Variants in LHX9 observed in about 807,000 individuals in gnomAD.
The protein encoded by LHX9 is LIM homeobox 9, also known as LIM/homeobox protein Lhx9.
In LHX9, 9 loss-of-function variants were observed where a neutral mutation model predicts 36.5. The observed-to-expected ratio is 0.25, with a 90% CI of 0.15 to 0.43. The LOEUF (loss-of-function observed/expected upper bound fraction) is 0.43, where lower values mean the gene tolerates loss of function less well. LHX9 is among the 20% of genes least tolerant of loss of function. The pLI is 1.00. For synonymous variants in LHX9, 211 were observed against 212.1 expected, an observed-to-expected ratio of 0.99 and a Z score of 0.04; for missense variants, 464 against 526.4, an observed-to-expected ratio of 0.88 and a Z score of 1.16.
At chr1:197,926,283 G>A (rs1401765631) in intron 3 of LHX9, among the ~76,000 whole-genome samples, 1 of 152,026 alleles carries the variant, frequency 6.6e-6, no homozygotes, top group African/African-American at 2.4e-5. Flanking sequence ...CCTTTTTTAA[G>A]ATTCAGGTTT....
chr1:197,933,143 G>A lies in LHX9; in HGVS notation c.*3884G>A, dbSNP rs1184692823. 1.3e-5 allele frequency: 2 copies of A among 151,824 alleles called. No individual in the cohort carries two copies. The highest frequency in any genetic ancestry group is 2.9e-5 in the Non-Finnish European group (2 of 67,900). 9.4% of individuals were successfully genotyped at this position (151,824 alleles called of 1,614,324 possible). On this transcript the variant is annotated 3_prime_UTR_variant, in exon 5 of 5. Coordinates refer to ENST00000367387, the MANE Select transcript of LHX9 (RefSeq NM_020204.3). ...ATTCCTATTTAGCCGTATATCCAAA[G>A]CATATGTTAAACAAACTAACATATA...
In LHX9 at chr1:197,920,073, T is replaced by C. The variant is rs1171929029; in HGVS notation, c.276T>C (p.His92=). ...YYLLAVDKQW[H]LRCLKCCECK... ...TGCTGGCTGTGGACAAACAGTGGCA[T>C]CTGAGATGCCTGAAGTGCTGTGAAT... The change falls in exon 2 of 5, where the codon CAT becomes CAC. Residue 92 remains histidine, a synonymous_variant. Coordinates refer to ENST00000367387, the MANE Select transcript of LHX9 (RefSeq NM_020204.3). 6.2e-7 allele frequency: 1 copy of C among 1,614,264 alleles called. No individual in the cohort carries two copies. The highest frequency in any genetic ancestry group is 1.1e-5 in the South Asian group (1 of 91,090).
Position 197,921,781 on chromosome 1 carries a change from T to G in LHX9, c.733+122T>G. The G allele has an allele frequency of 1.3e-6, 1 of 766,700 alleles. No homozygotes were observed. Among genetic ancestry groups the G allele is most frequent in the Non-Finnish European group, 2.0e-6 (1 of 489,466 alleles). 47.5% of individuals were successfully genotyped at this position (766,700 alleles called of 1,614,324 possible). ...TTTTGCCCAATGCCTCTGTTCTCAC[T>G]GCAACTCCCTCTCACTCTGAAGGAA... On this transcript the variant is annotated intron_variant, in intron 3 of 4. Transcript: ENST00000367387. This position sits in a 1 kb window ranked among gnomAD's most constrained non-coding sequence, Gnocchi z 4.6.
chr1:197,918,982 T>G (rs1659880305), intron 1 of LHX9, among the ~76,000 whole-genome samples: 3 of 152,166 alleles, frequency 2.0e-5, no homozygotes, highest in Admixed American at 6.5e-5. Flanking sequence ...TTTGTAACAC[T>G]CATTCAGTGC....
chr1:197,917,596 T>G lies in LHX9; in HGVS notation c.-228T>G. 6.6e-7 allele frequency: 1 copy of G among 1,509,184 alleles called. No homozygotes were observed. Among genetic ancestry groups the G allele is most frequent in the Non-Finnish European group, 8.9e-7 (1 of 1,125,932 alleles). 93.5% of individuals were successfully genotyped at this position (1,509,184 alleles called of 1,614,324 possible). A position where few individuals can be genotyped will look rare whatever the true frequency, so the allele number is the denominator to read the frequency against. On this transcript the variant is annotated 5_prime_UTR_variant, in exon 1 of 5. Coordinates refer to ENST00000367387, the MANE Select transcript of LHX9 (RefSeq NM_020204.3). ...CCCTCCGCCCGAATTGTTTGTTTTC[T>G]GCACATCTCCTTCAGGGAGCCGCTG...
Position 197,932,059 on chromosome 1 carries a change from T to TA in LHX9, c.*2806dup. 1 of 937,372 alleles carries TA rather than the reference T, an allele frequency of 1.1e-6. No individual in the cohort carries two copies. Among genetic ancestry groups the TA allele is most frequent in the East Asian group, 2.7e-5 (1 of 36,482 alleles). 58.1% of individuals were successfully genotyped at this position (937,372 alleles called of 1,614,324 possible). A position where few individuals can be genotyped will look rare whatever the true frequency, so the allele number is the denominator to read the frequency against. On this transcript the variant is annotated 3_prime_UTR_variant, in exon 5 of 5. Coordinates refer to ENST00000367387, the MANE Select transcript of LHX9 (RefSeq NM_020204.3). ...CTATTAGGTTATGATAATCATACATTAAAAAATTTATTAAGCCAAAAAAAA... is the reference window on the plus strand; with the variant it reads ...CTATTAGGTTATGATAATCATACATTAAAAAAATTTATTAAGCCAAAAAAAA...
chr1:197,918,716 T>C (rs991235163), intron 1 of LHX9: 3 of 192,812 alleles, frequency 1.6e-5, no homozygotes, highest in Admixed American at 1.3e-4. Context: ...CTGTTTCTAC[T>C]ATCCATAATA....
chr1:197,913,359 G>T (rs901427941), upstream of LHX9, among the ~76,000 whole-genome samples: 4 of 152,150 alleles, frequency 2.6e-5, no homozygotes, highest in African/African-American at 9.7e-5. Flanking sequence ...GCGTGGCCTC[G>T]GGTACCCCTT....
chr1:197,926,428 T>C (rs1188321462), intron 3 of LHX9, among the ~76,000 whole-genome samples: 1 of 152,244 alleles, frequency 6.6e-6, no homozygotes, highest in Non-Finnish European at 1.5e-5. Flanking sequence ...ACCATGCTCT[T>C]TAATTTGTGA....
At position 197,927,125 on chromosome 1, in the gene LHX9, G is replaced by A. The variant is rs139860350; in HGVS notation, c.734-466G>A. Among the ~76,000 whole-genome samples, 22 of 152,246 alleles carry A rather than the reference G, an allele frequency of 1.4e-4. No individual in the cohort carries two copies. The East Asian group carries it at 3.1e-3, about 21-fold the overall frequency. ...GGAGTAGTAATACTTGTTTCTCTAC[G>A]TCTCATGACAAAAAGCAATACCTTC... is the stretch of plus-strand genomic sequence containing the variant. On this transcript the variant is annotated intron_variant, in intron 3 of 4. Coordinates refer to ENST00000367387, the MANE Select transcript of LHX9 (RefSeq NM_020204.3).
chr1:197,924,446 T>G (rs932026676), intron 3 of LHX9, among the ~76,000 whole-genome samples: 1 of 152,262 alleles, frequency 6.6e-6, no homozygotes, highest in Admixed American at 6.5e-5. Context: ...GTCCCTAGTT[T>G]TGTTTATACC....
At chr1:197,926,407 G>GA (rs1193391650) in intron 3 of LHX9, among the ~76,000 whole-genome samples, 4 of 152,044 alleles carry the variant, frequency 2.6e-5, no homozygotes, top group East Asian at 1.9e-4. Context: ...AGAATTTAAA[G>GA]AAAAAAAATT....
At position 197,933,729 on chromosome 1, in the gene LHX9, A is replaced by G. The variant is rs1660385179; in HGVS notation, c.*4470A>G. The G allele has an allele frequency of 7.6e-6, 1 of 131,164 alleles. No individual in the cohort carries two copies. Among genetic ancestry groups the G allele is most frequent in the African/African-American group, 2.9e-5 (1 of 34,130 alleles). 8.1% of individuals were successfully genotyped at this position (131,164 alleles called of 1,614,324 possible). A position where few individuals can be genotyped will look rare whatever the true frequency, so the allele number is the denominator to read the frequency against. ...AAAAATACAAATTTGAAACAGGCAC[A>G]TTTTTTAAAACCAAAAAAAAAAAAA... is the stretch of plus-strand genomic sequence containing the variant. On this transcript the variant is annotated 3_prime_UTR_variant, in exon 5 of 5. Coordinates refer to ENST00000367387, the MANE Select transcript of LHX9 (RefSeq NM_020204.3).
chr1:197,926,652 C>T (rs2102600699), intron 3 of LHX9, among the ~76,000 whole-genome samples: 1 of 152,166 alleles, frequency 6.6e-6, no homozygotes, highest in East Asian at 1.9e-4. Flanking sequence ...ATGCCGCCCT[C>T]TCTCTGCCAG....
At chr1:197,924,763 G>A (rs924885996) in intron 3 of LHX9, among the ~76,000 whole-genome samples, 8 of 152,146 alleles carry the variant, frequency 5.3e-5, no homozygotes, top group African/African-American at 1.7e-4. Flanking sequence ...CCTTCACAGC[G>A]ACACTCACTT....
chr1:197,919,870 C>T (rs1659912494), intron 1 of LHX9, 102 bp from the exon 2 acceptor site: 3 of 1,182,346 alleles, frequency 2.5e-6, no homozygotes, highest in Non-Finnish European at 3.6e-6. Context: ...GCCCCTGCCG[C>T]TCTCCCTGCA....
At chr1:197,927,444 C>A (rs1660177300) in intron 3 of LHX9, 147 bp from the exon 4 acceptor site, 1 of 704,478 alleles carries the variant, frequency 1.4e-6, no homozygotes, top group African/African-American at 1.8e-5. Context: ...TATCTTCTTT[C>A]TTTTTGTCTA....
rs1222577911 is a variant in LHX9 at position 197,920,247 on chromosome 1, C to T, written c.377+73C>T. 4.2e-6 allele frequency: 6 copies of T among 1,431,922 alleles called. No homozygotes were observed. In the Admixed American group the frequency reaches 1.0e-4, roughly 24 times the overall value. The allele number at this position is 1,431,922 out of a possible 1,614,324, so 88.7% of individuals were successfully genotyped here. On this transcript the variant is annotated intron_variant, in intron 2 of 4. Transcript: ENST00000367387. The stretch of plus-strand genomic sequence containing the variant: ...GCCATCTGCCTGAGCCCGGAATCCC[C>T]TCTCCGTCCCCTACCTTTTGCCCCA...
Position 197,930,062 on chromosome 1 carries a change from T to C in LHX9, c.*803T>C. The C allele has an allele frequency of 2.0e-6, 2 of 978,460 alleles. No homozygotes were observed. Among genetic ancestry groups the C allele is most frequent in the Non-Finnish European group, 2.4e-6 (2 of 823,474 alleles). The allele number at this position is 978,460 out of a possible 1,614,324, so 60.6% of individuals were successfully genotyped here. A position where few individuals can be genotyped will look rare whatever the true frequency, so the allele number is the denominator to read the frequency against. ...CTAAAAACAATAGCTCGGAAACCAT[T>C]CTTTCTAGTTACTTTTTTTCCCAGG... On this transcript the variant is annotated 3_prime_UTR_variant, in exon 5 of 5. Coordinates refer to ENST00000367387, the MANE Select transcript of LHX9 (RefSeq NM_020204.3).
Sources: allele counts gnomAD v4.1 joint callset (sites outside exome capture counted in the v4.1 genomes callset), GRCh38; gene constraint gnomAD v4.1.1; non-coding constraint Gnocchi (gnomAD v3.1); transcripts MANE v1.5; gene names NCBI Gene and HGNC (gene_info 2026-07-23, HGNC 2026-07-21).